The following SLC38A9 variants were observed in gnomAD, a reference collection of about 807,000 sequenced individuals.
SLC38A9 encodes solute carrier family 38 member 9.
A neutral mutation model predicts 62.3 loss-of-function variants in SLC38A9; 48 were observed. The ratio of observed to expected loss-of-function variants is 0.77; its 90% CI spans 0.61 to 0.98. SLC38A9 has a LOEUF of 0.98. Ranked by LOEUF, SLC38A9 falls within the 50% of genes least tolerant of loss-of-function variation. SLC38A9 has a pLI of 0.00. For missense variants in SLC38A9, 541 were observed against 679.8 expected, an observed-to-expected ratio of 0.80 and a Z score of 2.27; for synonymous variants, 204 against 227.7, an observed-to-expected ratio of 0.90 and a Z score of 0.94.
At position 55,626,644 on chromosome 5, in the gene SLC38A9, T is replaced by A. The variant is rs754616893; in HGVS notation, c.1536A>T (p.Ala512=). ...ATATGAATACAAAGGCCAGTCCACA[T>A]GCTGCTCCTGAATATCTGCAAAATA... is the stretch of plus-strand genomic sequence containing the variant. ...IGGIIRYSGA[A]CGLAFVFIYP... Residue 512 remains alanine, a synonymous_variant, in exon 16 of 16, where the codon GCA becomes GCT. Coordinates refer to ENST00000396865, the MANE Select transcript of SLC38A9 (RefSeq NM_173514.4). 2.1e-5 allele frequency: 34 copies of A among 1,603,178 alleles called. No homozygotes were observed. Among genetic ancestry groups the A allele is most frequent in the South Asian group, 1.4e-4 (13 of 89,694 alleles).
intron 7 of SLC38A9, among the ~76,000 whole-genome samples, chr5:55,665,897 A>G (rs1189253000): frequency 6.6e-6 from 1 of 152,190 alleles, no homozygotes; most frequent in Non-Finnish European, 1.5e-5. Context: ...CAGGAGGTTG[A>G]GGCTGCAGTG....
At chr5:55,691,442 TG>T in intron 3 of SLC38A9, 1 of 956,378 alleles carries the variant, frequency 1.0e-6, no homozygotes, top group Non-Finnish European at 1.4e-6. Context: ...CCCTAGGCCC[TG>T]GGGAAAATGG....
intron 3 of SLC38A9, among the ~76,000 whole-genome samples, chr5:55,682,583 TG>T (rs1285394758): frequency 2.0e-4 from 31 of 152,082 alleles, no homozygotes; most frequent in Non-Finnish European, 4.4e-4. Flanking sequence ...AAGAACAGCT[TG>T]GGGAACACAG....
At chr5:55,705,048 G>A (rs1464464074) in intron 2 of SLC38A9, among the ~76,000 whole-genome samples, 1 of 152,064 alleles carries the variant, frequency 6.6e-6, no homozygotes, top group African/African-American at 2.4e-5. Context: ...TCGTTGGAAG[G>A]ACATACAAGA....
intron 14 of SLC38A9, among the ~76,000 whole-genome samples, chr5:55,629,996 G>A (rs953600508): frequency 5.3e-5 from 8 of 152,118 alleles, no homozygotes; most frequent in Non-Finnish European, 8.8e-5. Flanking sequence ...TCATGCATGC[G>A]TAAAAGATCC....
rs146138793 is a variant in SLC38A9, at chr5:55,633,778, T to C, written c.1406A>G (p.His469Arg). ...CCTAGGATAAATGTCACCGAAGATA[T>C]GGCCCAAAAGCTGGACACGAGCCAG... ...GYLARVQLLG[H>R]IFGDIYPSIF... is the part of the protein sequence containing the mutation. The change falls in exon 14 of 16, where the codon CAT (histidine) becomes CGT (arginine). Residue 469 changes from histidine (H) to arginine (R), a missense_variant. Physicochemically the swap from His to Arg is conservative, Grantham distance 29. Transcript: ENST00000396865. The C allele has an allele frequency of 6.2e-6, 10 of 1,614,050 alleles. 1 individual carries two copies. Among genetic ancestry groups the C allele is most frequent in the South Asian group, 1.1e-5 (1 of 91,076 alleles).
chr5:55,710,069 AAAAAAAAAAAAAAAAAG>A (rs1471336916), intron 2 of SLC38A9, among the ~76,000 whole-genome samples: 1 of 98,038 alleles, frequency 1.0e-5, no homozygotes, highest in Admixed American at 9.8e-5. Context: ...CTCCATCTCA[AAAAAAAAAAAAAAAAAG>A]AAAAAAAAAA....
chr5:55,662,957 G>A (rs144226329), intron 8 of SLC38A9, among the ~76,000 whole-genome samples: 3 of 150,466 alleles, frequency 2.0e-5, no homozygotes, highest in South Asian at 4.2e-4. Flanking sequence ...GTGCAGTGGT[G>A]CAATCTCAGT....
Position 55,626,467 on chromosome 5 carries a change from G to A in SLC38A9, c.*27C>T, listed in dbSNP as rs1364383231. 4 of 1,586,030 alleles carry A rather than the reference G, an allele frequency of 2.5e-6. No homozygotes were observed. Among genetic ancestry groups the A allele is most frequent in the Non-Finnish European group, 3.4e-6 (4 of 1,161,488 alleles). On this transcript the variant is annotated 3_prime_UTR_variant, in exon 16 of 16. Transcript: ENST00000396865. ...TGTCAAGGCTCAAAATATCATGAGA[G>A]CTCTTGAAAAAAACAGTTGAGGTAT...
At chr5:55,645,926 A>G in intron 11 of SLC38A9, 31 bp from the exon 12 acceptor site, 1 of 1,432,366 alleles carries the variant, frequency 7.0e-7, no homozygotes, top group African/African-American at 1.4e-5. Context: ...AGAACATTAA[A>G]ACTGACAATT....
intron 2 of SLC38A9, among the ~76,000 whole-genome samples, chr5:55,705,762 C>T (rs1369811268): frequency 2.0e-5 from 3 of 150,648 alleles, no homozygotes; most frequent in Non-Finnish European, 4.4e-5. Context: ...GGCTGGAGTG[C>T]AGTGGCACAA....
At chr5:55,679,195 A>G (rs1752658180) in intron 3 of SLC38A9, among the ~76,000 whole-genome samples, 1 of 152,224 alleles carries the variant, frequency 6.6e-6, no homozygotes, top group South Asian at 2.1e-4. Context: ...GAATATGTGC[A>G]TGCACACACA....
chr5:55,697,743 G>A, intron 3 of SLC38A9, 103 bp downstream of exon 3: 1 of 528,272 alleles, frequency 1.9e-6, no homozygotes, highest in Non-Finnish European at 3.2e-6. Context: ...CTGTAAGAAA[G>A]TGGATATTTT....
intron 3 of SLC38A9, chr5:55,693,245 CATATT>C (rs1754991695): frequency 2.0e-5 from 3 of 152,336 alleles, no homozygotes; most frequent in Admixed American, 2.0e-4. Context: ...TTCATTTATA[CATATT>C]ATATTTATTT....
chr5:55,654,906 T>C (rs993073863), intron 9 of SLC38A9, among the ~76,000 whole-genome samples: 1 of 152,142 alleles, frequency 6.6e-6, no homozygotes, highest in African/African-American at 2.4e-5. Flanking sequence ...GGCGTAACTA[T>C]GGCTCACTGT....
chr5:55,639,087 G>A (rs1744957974), intron 12 of SLC38A9, among the ~76,000 whole-genome samples: 1 of 151,878 alleles, frequency 6.6e-6, no homozygotes, highest in African/African-American at 2.4e-5. Flanking sequence ...GGAGGCCGAG[G>A]CGGGCGGATC....
At chr5:55,669,013 C>T (rs1396687528) in intron 7 of SLC38A9, 5 of 334,750 alleles carry the variant, frequency 1.5e-5, no homozygotes, top group African/African-American at 8.7e-5. Flanking sequence ...AGTGAATGCA[C>T]TCTGCAAATA....
chr5:55,653,107 C>T (rs1747819512), intron 9 of SLC38A9, among the ~76,000 whole-genome samples: 1 of 152,152 alleles, frequency 6.6e-6, no homozygotes, highest in Non-Finnish European at 1.5e-5. Flanking sequence ...GCTGGAACTA[C>T]AGGCACACAT....
At chr5:55,675,191 G>A (rs1032044279) in intron 3 of SLC38A9, 4 of 152,216 alleles carry the variant, frequency 2.6e-5, no homozygotes, top group African/African-American at 9.6e-5. Context: ...CTGAAAAGCA[G>A]TCAGGAAGTG....
Sources: allele counts gnomAD v4.1 joint callset (sites outside exome capture counted in the v4.1 genomes callset), GRCh38; gene constraint gnomAD v4.1.1; transcripts MANE v1.5; gene names NCBI Gene and HGNC (gene_info 2026-07-23, HGNC 2026-07-21).